Variants in PLCB1 observed in about 807,000 individuals in gnomAD.
The protein encoded by PLCB1 is phospholipase C beta 1, also known as 1-phosphatidylinositol 4,5-bisphosphate phosphodiesterase beta-1.
In PLCB1, 46 loss-of-function variants were observed where a neutral mutation model predicts 161.8. The observed-to-expected ratio is 0.28, with a 90% CI of 0.22 to 0.36. The LOEUF (loss-of-function observed/expected upper bound fraction) is 0.36, where lower values mean the gene tolerates loss of function less well. PLCB1 is among the 10% of genes least tolerant of loss of function. The pLI, the probability that PLCB1 is intolerant of heterozygous loss-of-function variation, is 1.00. For synonymous variants in PLCB1, 517 were observed against 503.7 expected (o/e 1.03, Z -0.35); for missense variants, 1,016 against 1,472.5 (o/e 0.69, Z 5.07).
At chr20:8,710,453 A>C (rs1978938634) in intron 12 of PLCB1, among the ~76,000 whole-genome samples, 1 of 151,128 alleles carries the variant, frequency 6.6e-6, no homozygotes, top group Non-Finnish European at 1.5e-5. Context: ...ACCATATCAC[A>C]ATACTTGAGC....
intron 2 of PLCB1, among the ~76,000 whole-genome samples, chr20:8,186,744 C>G (rs1376116026): frequency 6.6e-6 from 1 of 151,324 alleles, no homozygotes; most frequent in Non-Finnish European, 1.5e-5. Flanking sequence ...AGGGAGGCAG[C>G]TGGGGGCAGC....
chr20:8,266,160 A>C (rs916282820), intron 2 of PLCB1, among the ~76,000 whole-genome samples: 8 of 152,204 alleles, frequency 5.3e-5, no homozygotes, highest in African/African-American at 1.9e-4. Context: ...AAGCCATCCC[A>C]GAACTTCAGG....
chr20:8,444,493 G>A (rs983795984), intron 3 of PLCB1, among the ~76,000 whole-genome samples: 2 of 152,178 alleles, frequency 1.3e-5, no homozygotes, highest in Non-Finnish European at 2.9e-5. Context: ...ATTGTGAATA[G>A]TGCCGCAATA....
At chr20:8,245,170 T>C (rs1980818303) in intron 2 of PLCB1, among the ~76,000 whole-genome samples, 1 of 151,864 alleles carries the variant, frequency 6.6e-6, no homozygotes, top group South Asian at 2.1e-4. Flanking sequence ...TTTGGTGCAG[T>C]CTTTTTTGAA....
At chr20:8,498,541 C>A (rs1402704916) in intron 3 of PLCB1, among the ~76,000 whole-genome samples, 1 of 152,104 alleles carries the variant, frequency 6.6e-6, no homozygotes, top group Admixed American at 6.6e-5. Flanking sequence ...GTCAAAGGGC[C>A]CTGTCCCCTT....
At chr20:8,327,386 G>C (rs1185132059) in intron 2 of PLCB1, among the ~76,000 whole-genome samples, 1 of 152,174 alleles carries the variant, frequency 6.6e-6, no homozygotes, top group Non-Finnish European at 1.5e-5. Context: ...TTTTTCCCTT[G>C]AAGGACATAA....
At chr20:8,169,157 T>G (rs1043082662) in intron 2 of PLCB1, among the ~76,000 whole-genome samples, 9 of 152,038 alleles carry the variant, frequency 5.9e-5, no homozygotes, top group African/African-American at 1.9e-4. Context: ...GAATGTATAT[T>G]GGGTGGGGAG....
At chr20:8,848,156 T>C (rs1479451554) in intron 31 of PLCB1, among the ~76,000 whole-genome samples, 1 of 152,158 alleles carries the variant, frequency 6.6e-6, no homozygotes, top group Non-Finnish European at 1.5e-5. Flanking sequence ...ACATTGGCCA[T>C]TAAGTTTCAA....
chr20:8,715,831 C>T (rs1979277640), intron 12 of PLCB1: 1 of 157,304 alleles, frequency 6.4e-6, no homozygotes, highest in Non-Finnish European at 1.4e-5. Flanking sequence ...CCTCTTTCAT[C>T]TCCTCATAAA....
At position 8,649,646 on chromosome 20, in the gene PLCB1, C is replaced by G. The variant is rs1989256889; in HGVS notation, c.594+197C>G. ...GGCTTTATAAGAAGAGAAAAACAGA[C>G]CTGAGCTAGCATGTTCTTCCCCCTC... On this transcript the variant is annotated intron_variant, in intron 7 of 31. Transcript: ENST00000338037. 5.3e-6 allele frequency: 3 copies of G among 562,106 alleles called. No homozygotes were observed. In the East Asian group the frequency reaches 8.5e-5, roughly 16 times the overall value. 34.8% of individuals were successfully genotyped at this position (562,106 alleles called of 1,614,324 possible).
chr20:8,690,150 G>GTT lies in PLCB1; in HGVS notation c.1009+5083_1009+5084dup, dbSNP rs201866634. Among the ~76,000 whole-genome samples, 77 of 42,316 alleles carry GTT rather than the reference G, an allele frequency of 1.8e-3. 1 individual carries two copies. The highest frequency in any genetic ancestry group is 3.8e-3 in the African/African-American group (54 of 14,232). The allele number at this position is 42,316 out of a possible 152,430, so 27.8% of individuals were successfully genotyped here. A position where few individuals can be genotyped will look rare whatever the true frequency, so the allele number is the denominator to read the frequency against. On this transcript the variant is annotated intron_variant, in intron 10 of 31. Coordinates refer to ENST00000338037, the MANE Select transcript of PLCB1 (RefSeq NM_015192.4). Reference sequence around the variant, plus strand: ...TCTAAGGGGTTTTGTTTTTGCTGTTGTTTTTTTTTTTTATCTTGCTCCCTT... The same window carrying GTT: ...TCTAAGGGGTTTTGTTTTTGCTGTTGTTTTTTTTTTTTTTATCTTGCTCCCTT...
intron 27 of PLCB1, among the ~76,000 whole-genome samples, chr20:8,786,263 C>T (rs768640750): frequency 3.3e-5 from 5 of 152,116 alleles, no homozygotes; most frequent in Non-Finnish European, 5.9e-5. Flanking sequence ...AGGAAATGGC[C>T]AGAGTCTTTG....
intron 3 of PLCB1, among the ~76,000 whole-genome samples, chr20:8,390,878 G>C (rs1987566375): frequency 6.6e-6 from 1 of 151,692 alleles, no homozygotes; most frequent in East Asian, 1.9e-4. Context: ...TCATGTCTCT[G>C]AGACTTAGTT....
chr20:8,310,756 G>A lies in PLCB1; in HGVS notation c.178-60626G>A, dbSNP rs557848434. 6.6e-5 allele frequency among the ~76,000 whole-genome samples: 10 copies of A among 152,090 alleles called. 1 individual carries two copies. Among genetic ancestry groups the A allele is most frequent in the Admixed American group, 3.3e-4 (5 of 15,274 alleles). ...TCCTTTTGGAGCCCCCGTGTCTATC[G>A]TTTCCATCTTGATGTCTGTGTTTAC... On this transcript the variant is annotated intron_variant, in intron 2 of 31. Coordinates refer to ENST00000338037, the MANE Select transcript of PLCB1 (RefSeq NM_015192.4).
At chr20:8,241,421 G>A (rs966345347) in intron 2 of PLCB1, among the ~76,000 whole-genome samples, 2 of 151,846 alleles carry the variant, frequency 1.3e-5, no homozygotes, top group Admixed American at 6.6e-5. Flanking sequence ...GAACGCTCTC[G>A]TGTTTGAGGA....
intron 3 of PLCB1, among the ~76,000 whole-genome samples, chr20:8,516,205 C>T (rs770173227): frequency 4.7e-4 from 72 of 152,168 alleles, no homozygotes; most frequent in Non-Finnish European, 8.1e-4. Context: ...ACAGCCAAAC[C>T]GTATCATCAT....
At chr20:8,529,653 T>C (rs552873880) in intron 3 of PLCB1, among the ~76,000 whole-genome samples, 79 of 152,186 alleles carry the variant, frequency 5.2e-4, no homozygotes, top group Middle Eastern at 3.4e-3. Flanking sequence ...ACAAGCATTG[T>C]ACTGCAGTCA....
At chr20:8,229,097 C>G (rs1474365600) in intron 2 of PLCB1, among the ~76,000 whole-genome samples, 1 of 151,990 alleles carries the variant, frequency 6.6e-6, no homozygotes, top group African/African-American at 2.4e-5. Flanking sequence ...TCTAAGAGAT[C>G]AATGTTTGTA....
intron 3 of PLCB1, among the ~76,000 whole-genome samples, chr20:8,535,202 C>CAAAAAAAAAAAA (rs11323420): frequency 1.1e-4 from 6 of 52,782 alleles, no homozygotes; most frequent in Non-Finnish European, 1.8e-4. Flanking sequence ...AGTTTATGGG[C>CAAAAAAAAAAAA]AAAAAAAAAA....
Sources: gnomAD v4.1 joint callset for allele counts (sites outside exome capture counted in the v4.1 genomes callset) on GRCh38, gnomAD v4.1.1 for gene constraint, MANE v1.5 for transcripts, NCBI Gene and HGNC (gene_info 2026-07-23, HGNC 2026-07-21) for gene names.